NOX4: variants seen among roughly 807,000 people sequenced by gnomAD.
NOX4 encodes kidney oxidase-1.
A neutral mutation model predicts 87.6 loss-of-function variants in NOX4; 69 were observed. That is an observed-to-expected ratio of 0.79 (90% confidence interval 0.65 to 0.96). The LOEUF is 0.96. Among genes scored for constraint, NOX4 ranks in the 40% least tolerant of loss-of-function variants. NOX4 has a pLI of 0.00. For missense variants in NOX4, 680 were observed against 681.5 expected (o/e 1.00, Z 0.02); for synonymous variants, 275 against 238.2 (o/e 1.15, Z -1.42).
intron 8 of NOX4, among the ~76,000 whole-genome samples, chr11:89,406,357 C>A (rs1465530821): frequency 6.6e-6 from 1 of 151,920 alleles, no homozygotes; most frequent in African/African-American, 2.4e-5. Flanking sequence ...ATTCCTGGTA[C>A]CTTTATTTAT....
chr11:89,557,062 T>C, the NOX4 span: 14 of 152,146 alleles, frequency 9.2e-5, no homozygotes, highest in African/African-American at 3.4e-4. Flanking sequence ...ACATTTAACT[T>C]AACAGTTTTT....
intron 12 of NOX4, among the ~76,000 whole-genome samples, chr11:89,369,830 GT>G (rs774329461): frequency 5.3e-5 from 8 of 151,580 alleles, no homozygotes; most frequent in Non-Finnish European, 1.2e-4. Context: ...GTGCAAGGTG[GT>G]TGATGTAATT....
chr11:89,544,757 T>C, the NOX4 span, among the ~76,000 whole-genome samples: 1 of 151,974 alleles, frequency 6.6e-6, no homozygotes, highest in East Asian at 1.9e-4. Flanking sequence ...TTGCTGTATG[T>C]CATACAGCAA....
At chr11:89,532,804 G>T in the NOX4 span, among the ~76,000 whole-genome samples, 1 of 152,144 alleles carries the variant, frequency 6.6e-6, no homozygotes, top group East Asian at 1.9e-4. Flanking sequence ...TAGGATCATG[G>T]AAGTGGTCTC....
intron 11 of NOX4, among the ~76,000 whole-genome samples, chr11:89,387,108 C>T (rs567593906): frequency 6.6e-6 from 1 of 152,136 alleles, no homozygotes; most frequent in East Asian, 1.9e-4. Context: ...GATTATCTCT[C>T]CATACCACCC....
Position 89,363,604 on chromosome 11 carries a change from GAAATTAATGGTTTGTCA to G in NOX4, c.1136-8578_1136-8562del, listed in dbSNP as rs1938703920. On this transcript the variant is annotated intron_variant, in intron 12 of 17. Transcript: ENST00000263317. Reference sequence around the variant, plus strand: ...AGCACATTATTTCTAGGGATTTAAAGAAATTAATGGTTTGTCAAAATTTGGTATTTATTTTCCTTAGA... The same window carrying G: ...AGCACATTATTTCTAGGGATTTAAAGAAATTTGGTATTTATTTTCCTTAGA... Among the ~76,000 whole-genome samples, 6 of 152,168 alleles carry G rather than the reference GAAATTAATGGTTTGTCA, an allele frequency of 3.9e-5. No individual in the cohort carries two copies. In the South Asian group the frequency reaches 1.2e-3, roughly 32 times the overall value.
intron 8 of NOX4, among the ~76,000 whole-genome samples, chr11:89,418,164 C>T (rs1051412564): frequency 3.3e-5 from 5 of 151,716 alleles, no homozygotes; most frequent in Admixed American, 1.3e-4. Context: ...TAAATAATAC[C>T]GATTGCAATG....
the NOX4 span, among the ~76,000 whole-genome samples, chr11:89,535,303 C>T: frequency 6.6e-6 from 1 of 152,170 alleles, no homozygotes; most frequent in Non-Finnish European, 1.5e-5. Flanking sequence ...TCATCCAACC[C>T]CATTTGGTGT....
chr11:89,548,031 T>C, the NOX4 span: 1 of 151,770 alleles, frequency 6.6e-6, no homozygotes, highest in Non-Finnish European at 1.5e-5. Context: ...TTAATTAAAA[T>C]TGATAATTTT....
intron 2 of NOX4, among the ~76,000 whole-genome samples, chr11:89,483,856 C>T: frequency 6.6e-6 from 1 of 152,036 alleles, no homozygotes; most frequent in Non-Finnish European, 1.5e-5. Context: ...TAATGTGGTA[C>T]ACAATAAATA....
At chr11:89,500,268 C>T (rs1947002720), upstream of NOX4, among the ~76,000 whole-genome samples, 1 of 152,066 alleles carries the variant, frequency 6.6e-6, no homozygotes, top group Admixed American at 6.5e-5. Context: ...AATTTTTTGC[C>T]TGGAGACCCT....
the NOX4 span, among the ~76,000 whole-genome samples, chr11:89,573,899 A>G: frequency 6.6e-6 from 1 of 152,044 alleles, no homozygotes; most frequent in Admixed American, 6.5e-5. Flanking sequence ...GAGCACGTGC[A>G]CTGTCTTTAG....
chr11:89,370,185 G>C (rs1349379417), intron 12 of NOX4, among the ~76,000 whole-genome samples: 1 of 151,888 alleles, frequency 6.6e-6, no homozygotes, highest in East Asian at 1.9e-4. Context: ...AATCCTAAAA[G>C]ATAACCATAT....
intron 12 of NOX4, among the ~76,000 whole-genome samples, chr11:89,358,386 C>CAAAAAAAAA (rs10558391): frequency 2.5e-3 from 192 of 77,720 alleles, no homozygotes; most frequent in East Asian, 3.8e-3. Context: ...AACTTAATCT[C>CAAAAAAAAA]AAAAAAAAAA....
chr11:89,551,260 C>T, the NOX4 span, among the ~76,000 whole-genome samples: 2 of 152,100 alleles, frequency 1.3e-5, no homozygotes, highest in African/African-American at 4.8e-5. Flanking sequence ...ATTCTTTTTG[C>T]TTAGGATTGT....
chr11:89,513,894 TTATGGGGTTACAATTTATGTTTAATA>T, the NOX4 span, among the ~76,000 whole-genome samples: 1 of 152,012 alleles, frequency 6.6e-6, no homozygotes, highest in Non-Finnish European at 1.5e-5. Flanking sequence ...AAAATAATAT[TTATGGGGTTACAATTTATGTTTAATA>T]AGCTTTACCC....
intron 7 of NOX4, among the ~76,000 whole-genome samples, chr11:89,429,206 A>G (rs917441108): frequency 1.2e-4 from 19 of 152,240 alleles, no homozygotes; most frequent in Non-Finnish European, 2.1e-4. Flanking sequence ...ACACATTTAA[A>G]GCAGTGTGTA....
chr11:89,570,142 G>A, the NOX4 span, among the ~76,000 whole-genome samples: 1 of 152,212 alleles, frequency 6.6e-6, no homozygotes. Flanking sequence ...AGGAAATGTG[G>A]TAGACATGTA....
At chr11:89,501,479 T>C (rs1947019134), upstream of NOX4, among the ~76,000 whole-genome samples, 1 of 152,052 alleles carries the variant, frequency 6.6e-6, no homozygotes, top group African/African-American at 2.4e-5. Context: ...ATAGACTCTA[T>C]AGACATTGCT....
Sources: allele counts gnomAD v4.1 joint callset (sites outside exome capture counted in the v4.1 genomes callset), GRCh38; gene constraint gnomAD v4.1.1; transcripts MANE v1.5; gene names NCBI Gene and HGNC (gene_info 2026-07-23, HGNC 2026-07-21).